The following KANSL3 variants were observed in gnomAD, a reference collection of about 807,000 sequenced individuals.
KANSL3 encodes the protein NSL complex protein NSL3.
KANSL3 carries 16 observed loss-of-function variants against 89.2 expected under a neutral mutation model. The ratio of observed to expected loss-of-function variants is 0.18; its 90% CI spans 0.12 to 0.27. The LOEUF is 0.27. Among genes scored for constraint, KANSL3 ranks in the 10% least tolerant of loss-of-function variants. The probability of loss-of-function intolerance (pLI) is 1.00; values close to 1 mark genes in which losing one functional copy is unlikely to be tolerated. For missense variants in KANSL3, 879 were observed against 1,110.6 expected, an observed-to-expected ratio of 0.79 and a Z score of 2.96; for synonymous variants, 385 against 419.7, an observed-to-expected ratio of 0.92 and a Z score of 1.01.
At chr2:96,598,479 G>T (rs1022315629) in intron 20 of KANSL3, among the ~76,000 whole-genome samples, 4 of 151,924 alleles carry the variant, frequency 2.6e-5, no homozygotes, top group Admixed American at 2.6e-4. Context: ...TTTTCATTTC[G>T]TTCTTTTGAT....
rs968146711 is a variant in KANSL3 at position 96,604,761 on chromosome 2, G to C, written c.2018+18C>G. On this transcript the variant is annotated intron_variant, in intron 16 of 20. Coordinates refer to ENST00000431828, the MANE Select transcript of KANSL3 (RefSeq NM_001115016.3). Reference sequence around the variant, plus strand: ...AGGGAAAAAAGGAATAGACACAGATGGTCCAATAAACACTCACTTGGCTGT... The same window carrying C: ...AGGGAAAAAAGGAATAGACACAGATCGTCCAATAAACACTCACTTGGCTGT... 9 of 1,570,110 alleles carry C rather than the reference G, an allele frequency of 5.7e-6. No individual in the cohort carries two copies. The highest frequency in any genetic ancestry group is 6.9e-6 in the Non-Finnish European group (8 of 1,154,016).
At position 96,608,906 on chromosome 2, in the gene KANSL3, G is replaced by T. The variant is rs1034540357; in HGVS notation, c.1542C>A (p.Ala514=). ...AGGCGGGCAGCTTGGCAGCTGGGGA[G>T]GCAGGTCGACTGCCCCGCTCAGGGA... The part of the protein sequence containing the change: ...FEVPERGSRP[A]SPAAKLPASP... Residue 514 remains alanine, a synonymous_variant, in exon 13 of 21, where the codon GCC becomes GCA. Coordinates refer to ENST00000431828, the MANE Select transcript of KANSL3 (RefSeq NM_001115016.3). 2 of 1,575,752 alleles carry T rather than the reference G, an allele frequency of 1.3e-6. No homozygotes were observed. Among genetic ancestry groups the T allele is most frequent in the African/African-American group, 1.3e-5 (1 of 74,236 alleles).
chr2:96,622,184 G>A (rs1432415379), intron 3 of KANSL3, among the ~76,000 whole-genome samples: 2 of 152,150 alleles, frequency 1.3e-5, no homozygotes, highest in Non-Finnish European at 2.9e-5. Context: ...AGCACTTTGG[G>A]AGGCTGAGGC....
chr2:96,605,630 T>C (rs2067863870), intron 14 of KANSL3, 119 bp from the exon 15 acceptor site: 2 of 812,032 alleles, frequency 2.5e-6, no homozygotes, highest in Non-Finnish European at 4.1e-6. Context: ...ATAACCACTC[T>C]ACGTACAGGG....
the KANSL3 span, among the ~76,000 whole-genome samples, chr2:96,585,741 A>T: frequency 1.9e-4 from 29 of 152,352 alleles, no homozygotes; most frequent in South Asian, 4.1e-4. Flanking sequence ...GTGGATAAAA[A>T]AAAAATGTGG....
downstream of KANSL3, among the ~76,000 whole-genome samples, chr2:96,592,806 AGCTTGGCC>A (rs2066306550): frequency 6.6e-6 from 1 of 152,066 alleles, no homozygotes; most frequent in Non-Finnish European, 1.5e-5. Context: ...GTTTGAGACC[AGCTTGGCC>A]AACATAGTGG....
chr2:96,591,742 T>C (rs920441621), downstream of KANSL3, among the ~76,000 whole-genome samples: 12 of 152,058 alleles, frequency 7.9e-5, no homozygotes, highest in African/African-American at 2.4e-4. Flanking sequence ...TCTTCAGAAT[T>C]TGAACTGAAT....
At chr2:96,602,635 T>C in intron 18 of KANSL3, 118 bp downstream of exon 18, 1 of 788,540 alleles carries the variant, frequency 1.3e-6, no homozygotes, top group East Asian at 2.6e-5. Context: ...GCTATGTAGC[T>C]AGAAGGCTGT....
downstream of KANSL3, among the ~76,000 whole-genome samples, chr2:96,592,377 G>C (rs962072357): frequency 6.6e-6 from 1 of 152,182 alleles, no homozygotes; most frequent in Non-Finnish European, 1.5e-5. Context: ...ATTTATTGGC[G>C]GTGGGTGGAG....
intron 5 of KANSL3, among the ~76,000 whole-genome samples, chr2:96,618,449 C>T (rs1432984108): frequency 6.6e-6 from 1 of 152,188 alleles, no homozygotes; most frequent in Non-Finnish European, 1.5e-5. Context: ...CTCAGCCTCC[C>T]GAAGTGCTAG....
At chr2:96,601,878 T>G (rs1236679128) in intron 19 of KANSL3, 102 bp from the exon 20 acceptor site, 9 of 1,446,452 alleles carry the variant, frequency 6.2e-6, no homozygotes, top group Non-Finnish European at 7.3e-6. Flanking sequence ...ACACAGTCCC[T>G]TGGCCTCCTC....
intron 3 of KANSL3, among the ~76,000 whole-genome samples, chr2:96,630,889 C>T (rs1448611317): frequency 6.6e-6 from 1 of 152,212 alleles, no homozygotes; most frequent in Non-Finnish European, 1.5e-5. Flanking sequence ...GTTAGCTTTT[C>T]ATGTGACTTC....
downstream of KANSL3, among the ~76,000 whole-genome samples, chr2:96,591,851 C>CCACTT (rs775419408): frequency 0.1 from 15,411 of 152,102 alleles, 1,725 homozygotes; most frequent in African/African-American, 0.28. Context: ...CTTGAGGTCA[C>CCACTT]GAGGCAAGTA....
chr2:96,636,221 A>G (rs1033101401), intron 2 of KANSL3, among the ~76,000 whole-genome samples: 2 of 152,246 alleles, frequency 1.3e-5, no homozygotes, highest in Non-Finnish European at 1.5e-5. Context: ...TGATTTGATC[A>G]CCATAACGGA....
chr2:96,617,896 T>C (rs191475016), intron 5 of KANSL3, among the ~76,000 whole-genome samples: 148 of 151,450 alleles, frequency 9.8e-4, no homozygotes, highest in Middle Eastern at 3.4e-3. Flanking sequence ...TGAGGCAGAA[T>C]TGCTTCAACC....
At chr2:96,626,803 A>T (rs575564177) in intron 3 of KANSL3, among the ~76,000 whole-genome samples, 175 of 152,342 alleles carry the variant, frequency 1.1e-3, no homozygotes, top group African/African-American at 4.2e-3. Flanking sequence ...TGGCACGCAG[A>T]CACAAGAACA....
At chr2:96,591,333 G>A (rs1223684572), downstream of KANSL3, among the ~76,000 whole-genome samples, 1 of 152,154 alleles carries the variant, frequency 6.6e-6, no homozygotes, top group African/African-American at 2.4e-5. Context: ...CAGGAATGGT[G>A]GGGAAGGAGA....
intron 3 of KANSL3, among the ~76,000 whole-genome samples, chr2:96,623,962 T>C (rs1475443430): frequency 1.3e-5 from 2 of 152,262 alleles, no homozygotes; most frequent in African/African-American, 4.8e-5. Context: ...TAACCCCCTT[T>C]TGGGGGTACT....
intron 1 of KANSL3, among the ~76,000 whole-genome samples, chr2:96,637,682 C>G (rs887915408): frequency 8.5e-5 from 13 of 152,246 alleles, no homozygotes; most frequent in African/African-American, 2.9e-4. Flanking sequence ...AAGCGAATCC[C>G]AGCTAGGGCT....
Sources: allele counts gnomAD v4.1 joint callset (sites outside exome capture counted in the v4.1 genomes callset), GRCh38; gene constraint gnomAD v4.1.1; transcripts MANE v1.5; gene names NCBI Gene and HGNC (gene_info 2026-07-23, HGNC 2026-07-21).